The following CORIN variants were observed in gnomAD, a reference collection of about 807,000 sequenced individuals.
The protein encoded by CORIN is atrial natriuretic peptide-converting enzyme.
CORIN carries 117 observed loss-of-function variants against 125.3 expected under a neutral mutation model. That is an observed-to-expected ratio of 0.93 (90% CI 0.80 to 1.09). The LOEUF (loss-of-function observed/expected upper bound fraction) is 1.09. Among genes scored for constraint, CORIN ranks in the 50% least tolerant of loss-of-function variants. CORIN has a pLI of 0.00. For synonymous variants in CORIN, 450 were observed against 466.4 expected (o/e 0.96, Z 0.45); for missense variants, 1,253 against 1,306.7 (o/e 0.96, Z 0.63).
intron 10 of CORIN, among the ~76,000 whole-genome samples, chr4:47,669,332 A>G (rs1462061560): frequency 2.6e-5 from 4 of 152,164 alleles, no homozygotes; most frequent in Non-Finnish European, 5.9e-5. Context: ...GAAAAATGTG[A>G]CTTTTCTACA....
At chr4:47,699,009 C>T (rs1726164747) in intron 5 of CORIN, among the ~76,000 whole-genome samples, 1 of 152,214 alleles carries the variant, frequency 6.6e-6, no homozygotes, top group Non-Finnish European at 1.5e-5. Context: ...CGTGTAAGTA[C>T]ACTCTGATGT....
chr4:47,649,014 C>T (rs1331669813), intron 13 of CORIN, among the ~76,000 whole-genome samples: 1 of 152,208 alleles, frequency 6.6e-6, no homozygotes, highest in Non-Finnish European at 1.5e-5. Context: ...GCAGCTGGAA[C>T]AGAGGACCTG....
chr4:47,725,957 G>A (rs1011267373), intron 5 of CORIN, among the ~76,000 whole-genome samples: 7 of 152,030 alleles, frequency 4.6e-5, no homozygotes, highest in African/African-American at 1.7e-4. Flanking sequence ...CAAAAGATAC[G>A]AACAGACACT....
intron 19 of CORIN, among the ~76,000 whole-genome samples, chr4:47,613,439 C>A: frequency 6.6e-6 from 1 of 152,044 alleles, no homozygotes; most frequent in East Asian, 1.9e-4. Flanking sequence ...AGCAACAGAG[C>A]GAGACTCCGT....
At position 47,641,982 on chromosome 4, in the gene CORIN, A is replaced by G. The variant is rs201948411; in HGVS notation, c.2136T>C (p.His712=). The change falls in exon 16 of 22, where the codon CAT becomes CAC. Residue 712 remains histidine (H), a synonymous_variant. Transcript: ENST00000273857. ...TCTCCTGCCAGCCATCTGCACACAC[A>G]TGGTGTTCTGTGGCAGCTCTGTGAA... is the stretch of plus-strand genomic sequence containing the variant. ...LMVHRAATEH[H]VCADGWQEIL... is the part of the protein sequence containing the mutation. The G allele has an allele frequency of 6.2e-7, 1 of 1,613,636 alleles. No homozygotes were observed. The highest frequency in any genetic ancestry group is 8.5e-7 in the Non-Finnish European group (1 of 1,179,676).
chr4:47,765,290 G>A (rs1185351400), intron 3 of CORIN, among the ~76,000 whole-genome samples: 1 of 149,844 alleles, frequency 6.7e-6, no homozygotes, highest in Non-Finnish European at 1.5e-5. Context: ...CAGCCTGGGC[G>A]ACAGAGCGAG....
intron 1 of CORIN, among the ~76,000 whole-genome samples, chr4:47,825,542 T>C (rs561977589): frequency 6.6e-6 from 1 of 152,086 alleles, no homozygotes; most frequent in Non-Finnish European, 1.5e-5. Context: ...TTCGCTAACA[T>C]TCATAGATAA....
At chr4:47,680,069 C>T in intron 8 of CORIN, 72 bp downstream of exon 8, 1 of 955,156 alleles carries the variant, frequency 1.0e-6, no homozygotes, top group Non-Finnish European at 1.7e-6. Flanking sequence ...AAGTACAGTC[C>T]TCAACCTTGA....
At chr4:47,766,744 G>A (rs958017408) in intron 3 of CORIN, among the ~76,000 whole-genome samples, 2 of 151,920 alleles carry the variant, frequency 1.3e-5, no homozygotes, top group Non-Finnish European at 2.9e-5. Context: ...TCAGGAGTTC[G>A]AGACCACCCT....
chr4:47,787,067 C>T (rs1302276634), intron 2 of CORIN, 142 bp from the exon 3 acceptor site: 6 of 649,114 alleles, frequency 9.2e-6, no homozygotes, highest in South Asian at 2.0e-5. Flanking sequence ...AAGATGAAAG[C>T]CGTAATAGTG....
chr4:47,805,365 C>G (rs1731749064), intron 2 of CORIN, among the ~76,000 whole-genome samples: 1 of 151,662 alleles, frequency 6.6e-6, no homozygotes, highest in African/African-American at 2.4e-5. Context: ...TTTAAAAAAC[C>G]TGGTTACCCA....
intron 16 of CORIN, among the ~76,000 whole-genome samples, chr4:47,632,018 C>G (rs1011357890): frequency 6.6e-6 from 1 of 152,182 alleles, no homozygotes; most frequent in African/African-American, 2.4e-5. Context: ...AGGAGAACAG[C>G]CAGATCCCTA....
At chr4:47,793,125 AT>A in intron 2 of CORIN, among the ~76,000 whole-genome samples, 1 of 152,146 alleles carries the variant, frequency 6.6e-6, no homozygotes, top group South Asian at 2.1e-4. Flanking sequence ...CAATCTGATG[AT>A]TTCCTCCAGA....
chr4:47,759,052 C>T (rs907754890), intron 4 of CORIN, among the ~76,000 whole-genome samples: 1 of 152,122 alleles, frequency 6.6e-6, no homozygotes. Flanking sequence ...TAAATCCATG[C>T]CTTTACAGTA....
intron 7 of CORIN, chr4:47,681,040 G>A (rs903026120): frequency 1.3e-5 from 2 of 152,190 alleles, no homozygotes; most frequent in East Asian, 1.9e-4. Flanking sequence ...TAAGTGATAA[G>A]TTCGCTCTCA....
At chr4:47,688,435 T>C (rs922296002) in intron 6 of CORIN, among the ~76,000 whole-genome samples, 2 of 151,990 alleles carry the variant, frequency 1.3e-5, no homozygotes, top group African/African-American at 2.4e-5. Flanking sequence ...ACCTTGTTTC[T>C]ACAAAAAATA....
intron 8 of CORIN, among the ~76,000 whole-genome samples, chr4:47,678,438 A>T (rs1173112667): frequency 1.3e-5 from 2 of 152,246 alleles, no homozygotes; most frequent in African/African-American, 2.4e-5. Context: ...ATGAGAAACT[A>T]AAGTTTACAG....
At chr4:47,659,443 G>T (rs1249644907) in intron 12 of CORIN, among the ~76,000 whole-genome samples, 1 of 152,206 alleles carries the variant, frequency 6.6e-6, no homozygotes, top group Non-Finnish European at 1.5e-5. Context: ...TCATGGTTCT[G>T]CAGCCTTTAC....
chr4:47,794,741 C>T lies in CORIN; in HGVS notation c.209-7816G>A, dbSNP rs536261426. 8.9e-4 allele frequency among the ~76,000 whole-genome samples: 136 copies of T among 152,166 alleles called. 2 individuals are homozygous for T. Among genetic ancestry groups the T allele is most frequent in the Middle Eastern group, 3.4e-3 (1 of 294 alleles). ...CCCATACATTTATAGGACTCCCTGC[C>T]ACATACTCAGCTGTAACCCTTTCTC... is the stretch of plus-strand genomic sequence containing the variant. On this transcript the variant is annotated intron_variant, in intron 2 of 21. Coordinates refer to ENST00000273857, the MANE Select transcript of CORIN (RefSeq NM_006587.4).
Sources: gnomAD v4.1 joint callset for allele counts (sites outside exome capture counted in the v4.1 genomes callset) on GRCh38, gnomAD v4.1.1 for gene constraint, MANE v1.5 for transcripts, NCBI Gene and HGNC (gene_info 2026-07-23, HGNC 2026-07-21) for gene names.